Variants in KIAA1671 observed in about 807,000 individuals in gnomAD.
KIAA1671 encodes KIAA1671.
A neutral mutation model predicts 131.2 loss-of-function variants in KIAA1671; 52 were observed. That is an observed-to-expected ratio of 0.40 (90% confidence interval 0.32 to 0.50). The LOEUF (loss-of-function observed/expected upper bound fraction) is 0.50. Among genes scored for constraint, KIAA1671 ranks in the 20% least tolerant of loss-of-function variants. The probability of loss-of-function intolerance (pLI) is 0.73; values close to 1 mark genes in which losing one functional copy is unlikely to be tolerated. For missense variants in KIAA1671, 2,360 were observed against 2,364.2 expected (o/e 1.00, Z 0.04); for synonymous variants, 1,003 against 961.6 (o/e 1.04, Z -0.80).
intron 8 of KIAA1671, chr22:25,177,147 C>A: frequency 1.8e-6 from 1 of 566,354 alleles, no homozygotes. Flanking sequence ...TGACTTTTGT[C>A]ATCAGCCTAT....
Position 25,190,746 on chromosome 22 carries a change from A to G in KIAA1671, c.5387A>G (p.Lys1796Arg). The change falls in exon 12 of 13, where the codon AAG (lysine) becomes AGG (arginine). Residue 1796 changes from lysine (K) to arginine (R), a missense_variant. Around this residue, in one of 3 missense-constraint regions of KIAA1671, gnomAD observed 1,161 missense variants for 1,204.7 expected, o/e 0.96. Transcript: ENST00000358431. ...CAGTGGCTAAAGGAATTGAAATCCA[A>G]GAAGAGGCAAAGTCTTTATGAGAAC... ...SPQWLKELKS[K>R]KRQSLYENQV The G allele has an allele frequency of 6.4e-7, 1 of 1,551,890 alleles. No homozygotes were observed. Among genetic ancestry groups the G allele is most frequent in the Non-Finnish European group, 8.7e-7 (1 of 1,146,970 alleles).
chr22:25,180,857 TC>T (rs1446023370), intron 9 of KIAA1671, among the ~76,000 whole-genome samples: 1 of 152,164 alleles, frequency 6.6e-6, no homozygotes, highest in African/African-American at 2.4e-5. Flanking sequence ...TGAGCCAAGT[TC>T]TATTAAGCCA....
chr22:25,156,605 G>A (rs569712856), intron 6 of KIAA1671, among the ~76,000 whole-genome samples: 3 of 152,106 alleles, frequency 2.0e-5, no homozygotes, highest in Admixed American at 2.0e-4. Flanking sequence ...GCATGTGTTT[G>A]TGTATGTGTT....
intron 1 of KIAA1671, among the ~76,000 whole-genome samples, chr22:24,984,857 TG>T (rs1923432349): frequency 7.5e-6 from 1 of 132,856 alleles, no homozygotes; most frequent in African/African-American, 3.0e-5. Flanking sequence ...GAGGTTGCGG[TG>T]AGCCGAGATC....
intron 6 of KIAA1671, among the ~76,000 whole-genome samples, chr22:25,082,769 G>A (rs1222065616): frequency 1.3e-5 from 2 of 152,114 alleles, no homozygotes; most frequent in East Asian, 3.9e-4. Flanking sequence ...GGAGTTGGAG[G>A]CTGTAGTGAG....
At chr22:25,155,329 T>C (rs1351452803) in intron 6 of KIAA1671, among the ~76,000 whole-genome samples, 1 of 152,206 alleles carries the variant, frequency 6.6e-6, no homozygotes, top group East Asian at 1.9e-4. Context: ...AAAACAGTGC[T>C]GCTGGGACCA....
chr22:24,999,727 T>TC, intron 1 of KIAA1671, among the ~76,000 whole-genome samples: 4 of 150,266 alleles, frequency 2.7e-5, no homozygotes, highest in Admixed American at 2.0e-4. Flanking sequence ...TATGCCTGGC[T>TC]AACTGTTCAG....
At chr22:25,129,504 TC>T (rs1220410501) in intron 6 of KIAA1671, among the ~76,000 whole-genome samples, 2 of 142,794 alleles carry the variant, frequency 1.4e-5, no homozygotes, top group Admixed American at 1.4e-4. Flanking sequence ...CAAGACTCCA[TC>T]TGAAAAAAAA....
At chr22:25,065,914 C>G (rs879086977) in intron 6 of KIAA1671, among the ~76,000 whole-genome samples, 1 of 152,114 alleles carries the variant, frequency 6.6e-6, no homozygotes, top group Admixed American at 6.5e-5. Flanking sequence ...GCTGGTATTA[C>G]AAGTGTGAGC....
chr22:25,005,782 G>A (rs1924719468), intron 1 of KIAA1671, among the ~76,000 whole-genome samples: 1 of 152,182 alleles, frequency 6.6e-6, no homozygotes, highest in African/African-American at 2.4e-5. Flanking sequence ...CATCAGCCCT[G>A]TGTCTTCTCT....
At chr22:25,151,415 C>T (rs1601360259) in intron 6 of KIAA1671, among the ~76,000 whole-genome samples, 1 of 144,832 alleles carries the variant, frequency 6.9e-6, no homozygotes, top group East Asian at 2.0e-4. Flanking sequence ...AGTTATACAA[C>T]ATCAACATGA....
At chr22:25,118,443 C>A (rs1252637277) in intron 6 of KIAA1671, among the ~76,000 whole-genome samples, 3 of 152,244 alleles carry the variant, frequency 2.0e-5, no homozygotes, top group East Asian at 1.9e-4. Context: ...TGTACACCAC[C>A]ACACCTACCT....
chr22:25,189,819 G>A (rs1987521838), intron 11 of KIAA1671, among the ~76,000 whole-genome samples: 2 of 152,040 alleles, frequency 1.3e-5, no homozygotes, highest in African/African-American at 2.4e-5. Context: ...ACTGTGTTGC[G>A]TAGGCTGGTC....
At chr22:25,140,009 A>C (rs1932783556) in intron 6 of KIAA1671, among the ~76,000 whole-genome samples, 1 of 152,222 alleles carries the variant, frequency 6.6e-6, no homozygotes. Context: ...AATGATCACA[A>C]ACTTAGTGAC....
chr22:25,039,817 A>C lies in KIAA1671; in HGVS notation c.2687A>C (p.Asp896Ala). ...TCCAGGGCTACGAATGGGCCTTCTG[A>C]CTCCCAAGCACGAACACATCCAGAT... ...PLSRATNGPS[D>A]SQARTHPDAF... The change falls in exon 5 of 13, where the codon GAC becomes GCC. Residue 896 changes from aspartate to alanine, a missense_variant. Transcript: ENST00000358431. 6.5e-7 allele frequency: 1 copy of C among 1,528,854 alleles called. No homozygotes were observed. The highest frequency in any genetic ancestry group is 8.8e-7 in the Non-Finnish European group (1 of 1,133,602). The allele number at this position is 1,528,854 out of a possible 1,614,324, so 94.7% of individuals were successfully genotyped here.
chr22:25,188,448 GT>G (rs1235434400), intron 11 of KIAA1671, among the ~76,000 whole-genome samples: 281 of 1,564 alleles, frequency 0.18, 3 homozygotes, highest in Admixed American at 0.31. Flanking sequence ...AGCCAATCGG[GT>G]GTGTGTGTGT....
chr22:25,027,919 C>CTTGT (rs1195315013), intron 2 of KIAA1671, 26 bp from the exon 3 acceptor site: 4 of 1,138,914 alleles, frequency 3.5e-6, no homozygotes, highest in Non-Finnish European at 4.9e-6. Flanking sequence ...TCCAAATTTA[C>CTTGT]TTGTTTGTTT....
intron 6 of KIAA1671, among the ~76,000 whole-genome samples, chr22:25,093,908 T>TCTGCTC (rs1259718182): frequency 7.2e-6 from 1 of 138,976 alleles, no homozygotes; most frequent in Non-Finnish European, 1.6e-5. Context: ...TGCTTCTGCT[T>TCTGCTC]CTGCTCCTGA....
At chr22:24,959,521 C>G (rs1921901502) in intron 1 of KIAA1671, among the ~76,000 whole-genome samples, 1 of 151,832 alleles carries the variant, frequency 6.6e-6, no homozygotes, top group African/African-American at 2.4e-5. Context: ...GACTCTGTCT[C>G]AAAAAGTAAA....
Sources: allele counts gnomAD v4.1 joint callset (sites outside exome capture counted in the v4.1 genomes callset), GRCh38; gene constraint gnomAD v4.1.1; regional missense constraint gnomAD v4.1.1; transcripts MANE v1.5; gene names NCBI Gene and HGNC (gene_info 2026-07-23, HGNC 2026-07-21).